Variants in FAM169A observed in about 807,000 individuals in gnomAD.
FAM169A encodes the protein soluble lamin-associated protein of 75 kDa.
Under a neutral mutation model 75.7 loss-of-function variants are expected in FAM169A, and 24 were observed. The ratio of observed to expected loss-of-function variants is 0.32; its 90% CI spans 0.23 to 0.45. The LOEUF (loss-of-function observed/expected upper bound fraction) is 0.45. FAM169A is among the 20% of genes least tolerant of loss of function. FAM169A has a pLI of 1.00. For synonymous variants in FAM169A, 271 were observed against 271.0 expected (o/e 1.00, Z 0.00); for missense variants, 673 against 784.0 (o/e 0.86, Z 1.69).
intron 1 of FAM169A, among the ~76,000 whole-genome samples, chr5:74,856,837 C>G (rs1490974289): frequency 6.6e-6 from 1 of 150,616 alleles, no homozygotes; most frequent in East Asian, 1.9e-4. Context: ...AGGCCAGGTG[C>G]AGTGGCTCAC....
At position 74,813,870 on chromosome 5, in the gene FAM169A, G is replaced by A. The variant is rs1186701004; in HGVS notation, c.640C>T (p.Arg214Trp). 6.3e-6 allele frequency: 10 copies of A among 1,595,058 alleles called. No individual in the cohort carries two copies. The highest frequency in any genetic ancestry group is 1.4e-5 in the African/African-American group (1 of 73,902). Residue 214 changes from arginine to tryptophan, a missense_variant, in exon 6 of 13, where the codon CGG (arginine) becomes TGG (tryptophan). This residue lies in a region of FAM169A where 510 missense variants were observed against 550.9 expected (regional missense o/e 0.93). Transcript: ENST00000687041. ...TACATGAGAGAAGACAGTGGATACC[G>A]CAAGCCAAGCGCATCTTCTGTAAAG... ...DSFTEDALGL[R>W]YPLSSLMYTA...
rs74661714 is a variant in FAM169A at position 74,840,057 on chromosome 5, A to C, written c.232+17T>G. The C allele has an allele frequency of 2.0e-4, 271 of 1,367,548 alleles. 2 individuals are homozygous for C. The East Asian group carries it at 6.0e-3, about 30-fold the overall frequency. The allele number at this position is 1,367,548 out of a possible 1,614,324, so 84.7% of individuals were successfully genotyped here. ...GAGAAAAATTCCTTAATTTATAAAA[A>C]TTAAGCAAAAAGAGACCTGTCAGTG... On this transcript the variant is annotated intron_variant, in intron 3 of 12. Coordinates refer to ENST00000687041, the MANE Select transcript of FAM169A (RefSeq NM_001376049.1).
intron 6 of FAM169A, among the ~76,000 whole-genome samples, chr5:74,808,894 T>G (rs1034139390): frequency 1.3e-5 from 2 of 152,204 alleles, no homozygotes; most frequent in African/African-American, 2.4e-5. Context: ...ATCTTCACAT[T>G]TGTTCAATCT....
At chr5:74,833,581 G>A (rs187371319) in intron 5 of FAM169A, among the ~76,000 whole-genome samples, 3 of 152,308 alleles carry the variant, frequency 2.0e-5, no homozygotes, top group Admixed American at 1.3e-4. Context: ...AGTCACAACT[G>A]TTCATTAGAT....
intron 5 of FAM169A, among the ~76,000 whole-genome samples, chr5:74,825,513 TTC>T (rs1048244955): frequency 6.6e-6 from 1 of 152,314 alleles, no homozygotes; most frequent in East Asian, 1.9e-4. Flanking sequence ...CTCCTTTCTT[TTC>T]TCTCTTAGTT....
intron 11 of FAM169A, among the ~76,000 whole-genome samples, chr5:74,794,062 G>C (rs1341312381): frequency 6.6e-6 from 1 of 151,634 alleles, no homozygotes; most frequent in African/African-American, 2.4e-5. Context: ...ATTTCATGAG[G>C]GTGGGTATGG....
intron 1 of FAM169A, among the ~76,000 whole-genome samples, chr5:74,859,839 G>A (rs183748223): frequency 1.9e-3 from 292 of 152,100 alleles, no homozygotes; most frequent in African/African-American, 6.7e-3. Flanking sequence ...GCAACAAAGC[G>A]AGACCCCATC....
chr5:74,794,769 A>G (rs1580085982), intron 11 of FAM169A, among the ~76,000 whole-genome samples: 1 of 140,150 alleles, frequency 7.1e-6, no homozygotes, highest in African/African-American at 2.8e-5. Context: ...ACAGAGCGCA[A>G]CTCCGTCTCA....
intron 6 of FAM169A, among the ~76,000 whole-genome samples, chr5:74,805,925 G>A (rs1168005136): frequency 9.9e-6 from 1 of 101,420 alleles, no homozygotes; most frequent in African/African-American, 3.9e-5. Context: ...AAGAACAAAG[G>A]ATAAGAAAAT....
intron 2 of FAM169A, among the ~76,000 whole-genome samples, chr5:74,840,611 C>T (rs1370115747): frequency 4.0e-5 from 6 of 151,142 alleles, no homozygotes; most frequent in South Asian, 4.2e-4. Flanking sequence ...GGGCGGATCA[C>T]AAGGTCAGGA....
chr5:74,866,626 A>T, upstream of FAM169A: 1 of 720,946 alleles, frequency 1.4e-6, no homozygotes, highest in Non-Finnish European at 1.7e-6. Flanking sequence ...GTCACCCGGC[A>T]GCGCGACGCC....
At chr5:74,799,956 C>T (rs1486351277) in intron 10 of FAM169A, 2 of 821,738 alleles carry the variant, frequency 2.4e-6, no homozygotes, top group Non-Finnish European at 4.3e-6. Flanking sequence ...TTTGAAGATG[C>T]TGCGCCAGAA....
intron 8 of FAM169A, 40 bp from the exon 9 acceptor site, chr5:74,801,669 T>C: frequency 6.7e-7 from 1 of 1,485,922 alleles, no homozygotes; most frequent in Non-Finnish European, 9.3e-7. Flanking sequence ...TTTTAGACTA[T>C]TTTTTCTCCC....
intron 8 of FAM169A, among the ~76,000 whole-genome samples, chr5:74,803,988 G>C (rs1746721649): frequency 6.6e-6 from 1 of 152,050 alleles, no homozygotes; most frequent in South Asian, 2.1e-4. Context: ...AACAAATAAT[G>C]ATAGTTACAT....
At chr5:74,784,673 C>T (rs371413423) in intron 11 of FAM169A, among the ~76,000 whole-genome samples, 27 of 144,094 alleles carry the variant, frequency 1.9e-4, no homozygotes, top group African/African-American at 6.5e-4. Flanking sequence ...AATCCCAGCA[C>T]TTTGGGAGGC....
At chr5:74,834,018 G>A (rs1010294208) in intron 5 of FAM169A, among the ~76,000 whole-genome samples, 3 of 152,150 alleles carry the variant, frequency 2.0e-5, no homozygotes, top group African/African-American at 4.8e-5. Context: ...GCTGAATGAG[G>A]TGTGCTATGC....
chr5:74,816,232 C>T (rs1747462609), intron 5 of FAM169A, among the ~76,000 whole-genome samples: 1 of 152,100 alleles, frequency 6.6e-6, no homozygotes, highest in Admixed American at 6.5e-5. Flanking sequence ...AAGTACAAAG[C>T]AAAAATGAAT....
upstream of FAM169A, chr5:74,866,426 C>T (rs1750352956): frequency 2.1e-6 from 2 of 953,114 alleles, no homozygotes; most frequent in Admixed American, 6.2e-5. Context: ...CCGCTCCGCG[C>T]CCGCGCCCAC....
chr5:74,824,043 A>G (rs1747893376), intron 5 of FAM169A, among the ~76,000 whole-genome samples: 1 of 152,198 alleles, frequency 6.6e-6, no homozygotes, highest in Admixed American at 6.6e-5. Context: ...CCACAAGGAA[A>G]GCTGACGAGT....
Sources: gnomAD v4.1 joint callset for allele counts (sites outside exome capture counted in the v4.1 genomes callset) on GRCh38, gnomAD v4.1.1 for gene constraint, gnomAD v4.1.1 regional missense constraint, MANE v1.5 for transcripts, NCBI Gene and HGNC (gene_info 2026-07-23, HGNC 2026-07-21) for gene names.